The following AFF3 variants were observed in gnomAD, a reference collection of about 807,000 sequenced individuals.
AFF3 encodes the protein ALF transcription elongation factor 3.
A neutral mutation model predicts 129.7 loss-of-function variants in AFF3; 32 were observed. That is an observed-to-expected ratio of 0.25 (90% confidence interval 0.19 to 0.33). The LOEUF is 0.33. Among genes scored for constraint, AFF3 ranks in the 10% least tolerant of loss-of-function variants. The pLI is 1.00. For synonymous variants in AFF3, 644 were observed against 635.4 expected, an observed-to-expected ratio of 1.01 and a Z score of -0.20; for missense variants, 1,373 against 1,592.0, an observed-to-expected ratio of 0.86 and a Z score of 2.34.
In AFF3 at chr2:99,870,285, T is replaced by C. The variant is rs553410070; in HGVS notation, c.874-32761A>G. ...ACGTGACAGAATTACTCCTCTGAGA[T>C]TGAGGCTGTAGTTGGCTATCTGGAC... On this transcript the variant is annotated intron_variant, in intron 7 of 24. Coordinates refer to ENST00000672756, the MANE Select transcript of AFF3 (RefSeq NM_001386135.1). 2.7e-3 allele frequency among the ~76,000 whole-genome samples: 410 copies of C among 152,312 alleles called. 1 individual carries two copies. The highest frequency in any genetic ancestry group is 9.1e-3 in the African/African-American group (379 of 41,570).
intron 7 of AFF3, among the ~76,000 whole-genome samples, chr2:99,880,963 G>C (rs1327978620): frequency 6.6e-6 from 1 of 152,200 alleles, no homozygotes; most frequent in African/African-American, 2.4e-5. Flanking sequence ...AGACAGCAGA[G>C]AGCACTTACT....
intron 7 of AFF3, among the ~76,000 whole-genome samples, chr2:99,844,743 A>G (rs193142473): frequency 6.6e-6 from 1 of 152,056 alleles, no homozygotes; most frequent in East Asian, 1.9e-4. Flanking sequence ...CTTACTTTTT[A>G]CAATGATTTT....
chr2:99,629,550 G>A (rs753035190), intron 13 of AFF3, among the ~76,000 whole-genome samples: 6 of 152,168 alleles, frequency 3.9e-5, no homozygotes, highest in Non-Finnish European at 8.8e-5. Flanking sequence ...TAGACCCTCC[G>A]ACTGTACTGA....
At chr2:99,557,997 G>A (rs576475572) in intron 22 of AFF3, among the ~76,000 whole-genome samples, 110 of 152,244 alleles carry the variant, frequency 7.2e-4, no homozygotes, top group South Asian at 5.0e-3. Context: ...GTACATCAGC[G>A]AAGGCTTTTA....
rs1307838579 is a variant in AFF3 at position 99,855,517 on chromosome 2, AG to A, written c.874-17994del. ...TATGTCAAAAGGACAGATAGCCAAT[AG>A]AAAGAACTTCTAATGGCTAAAGCTA... is the stretch of plus-strand genomic sequence containing the variant. On this transcript the variant is annotated intron_variant, in intron 7 of 24. Coordinates refer to ENST00000672756, the MANE Select transcript of AFF3 (RefSeq NM_001386135.1). Among the ~76,000 whole-genome samples, 31 of 152,326 alleles carry A rather than the reference AG, an allele frequency of 2.0e-4. 3 individuals carry two copies. The highest frequency in any genetic ancestry group is 1.8e-3 in the Admixed American group (27 of 15,302).
chr2:99,593,142 G>C, intron 15 of AFF3, 53 bp downstream of exon 15: 2 of 1,517,254 alleles, frequency 1.3e-6, no homozygotes, highest in Non-Finnish European at 8.8e-7. Flanking sequence ...CACAAGTTAA[G>C]AGATAGCCCC....
intron 8 of AFF3, among the ~76,000 whole-genome samples, chr2:99,787,165 G>C (rs1401132936): frequency 6.6e-6 from 1 of 152,248 alleles, no homozygotes; most frequent in Middle Eastern, 3.4e-3. Context: ...GATGGCAGCG[G>C]GAGGCCACGG....
intron 19 of AFF3, among the ~76,000 whole-genome samples, chr2:99,568,475 T>C (rs17022793): frequency 0.024 from 3,615 of 152,288 alleles, 142 homozygotes; most frequent in African/African-American, 0.082. Context: ...ACAAGTGTTT[T>C]TGAAAAGAGA....
chr2:99,607,232 A>G (rs11123789), intron 13 of AFF3, among the ~76,000 whole-genome samples: 82,766 of 151,898 alleles, frequency 0.54, 22,765 homozygotes, highest in African/African-American at 0.62. Flanking sequence ...AATGCAGATC[A>G]TAAAAGAAAA....
chr2:99,909,374 T>TA (rs1252231457), intron 7 of AFF3, among the ~76,000 whole-genome samples: 1 of 112,824 alleles, frequency 8.9e-6, no homozygotes, highest in Non-Finnish European at 1.7e-5. Flanking sequence ...CATTAGGAGA[T>TA]ATACCTAATG....
intron 11 of AFF3, among the ~76,000 whole-genome samples, chr2:99,717,104 G>A (rs1488677598): frequency 6.6e-6 from 1 of 152,166 alleles, no homozygotes; most frequent in Non-Finnish European, 1.5e-5. Context: ...GTATTCCATT[G>A]TATGAATATA....
chr2:100,141,768 C>T (rs936304305), intron 1 of AFF3, among the ~76,000 whole-genome samples: 2 of 152,206 alleles, frequency 1.3e-5, no homozygotes, highest in South Asian at 2.1e-4. Context: ...GTGTATATTG[C>T]ATTATATCAT....
intron 7 of AFF3, among the ~76,000 whole-genome samples, chr2:99,976,175 TTTAAA>T (rs969467075): frequency 2.6e-5 from 4 of 152,214 alleles, no homozygotes; most frequent in Admixed American, 6.5e-5. Flanking sequence ...GTATTTTCAA[TTTAAA>T]TTAAATTAAA....
intron 7 of AFF3, among the ~76,000 whole-genome samples, chr2:99,967,922 T>A (rs200699719): frequency 1.3e-5 from 2 of 152,154 alleles, no homozygotes; most frequent in Admixed American, 1.3e-4. Flanking sequence ...AATCCATCCC[T>A]CACACAGCCA....
Position 99,551,301 on chromosome 2 carries a change from A to T in AFF3, c.*173T>A. On this transcript the variant is annotated 3_prime_UTR_variant, in exon 25 of 25. Transcript: ENST00000672756. ...TACACACATACACAGGCGGCTTCTT[A>T]TATACCCACACATACAAACACACAT... 1 of 889,556 alleles carries T rather than the reference A, an allele frequency of 1.1e-6. No homozygotes were observed. Among genetic ancestry groups the T allele is most frequent in the Non-Finnish European group, 1.7e-6 (1 of 599,040 alleles). 55.1% of individuals were successfully genotyped at this position (889,556 alleles called of 1,614,324 possible). A position where few individuals can be genotyped will look rare whatever the true frequency, so the allele number is the denominator to read the frequency against.
chr2:100,135,497 G>A (rs1193455473), intron 1 of AFF3, among the ~76,000 whole-genome samples: 1 of 152,122 alleles, frequency 6.6e-6, no homozygotes, highest in Admixed American at 6.5e-5. Context: ...AAGGCACAGG[G>A]AGAGCCTGGG....
intron 4 of AFF3, among the ~76,000 whole-genome samples, chr2:100,041,420 T>G (rs1486175086): frequency 6.6e-6 from 1 of 152,198 alleles, no homozygotes; most frequent in African/African-American, 2.4e-5. Context: ...TGTTCTGTGT[T>G]CAGATGACAG....
At chr2:99,926,867 T>C (rs1696285583) in intron 7 of AFF3, among the ~76,000 whole-genome samples, 1 of 152,118 alleles carries the variant, frequency 6.6e-6, no homozygotes, top group Admixed American at 6.5e-5. Context: ...AAAAAAAACA[T>C]AATTTTTTTA....
At chr2:99,913,568 G>C (rs906140823) in intron 7 of AFF3, among the ~76,000 whole-genome samples, 1 of 152,166 alleles carries the variant, frequency 6.6e-6, no homozygotes, top group Admixed American at 6.5e-5. Context: ...AACGGGCCTA[G>C]AACACACAAC....
Sources: allele counts gnomAD v4.1 joint callset (sites outside exome capture counted in the v4.1 genomes callset), GRCh38; gene constraint gnomAD v4.1.1; transcripts MANE v1.5; gene names NCBI Gene and HGNC (gene_info 2026-07-23, HGNC 2026-07-21).